The following RNF2 variants were observed in gnomAD, a reference collection of about 807,000 sequenced individuals.
The protein encoded by RNF2 is ring finger protein 2, also known as E3 ubiquitin-protein ligase RING2.
In RNF2, 6 loss-of-function variants were observed where a neutral mutation model predicts 37.2. The observed-to-expected ratio is 0.16, with a 90% CI of 0.09 to 0.32. RNF2 has a LOEUF of 0.32. RNF2 is among the 10% of genes least tolerant of loss of function. The probability of loss-of-function intolerance (pLI) is 1.00; values close to 1 mark genes in which losing one functional copy is unlikely to be tolerated. For missense variants in RNF2, 251 were observed against 404.0 expected, an observed-to-expected ratio of 0.62 and a Z score of 3.25; for synonymous variants, 133 against 132.7, an observed-to-expected ratio of 1.00 and a Z score of -0.02.
chr1:185,067,187 C>G (rs940045177), intron 1 of RNF2, among the ~76,000 whole-genome samples: 19 of 152,140 alleles, frequency 1.2e-4, no homozygotes, highest in Non-Finnish European at 2.5e-4. Flanking sequence ...GATGAGTATT[C>G]CAGATGTTCA....
At chr1:185,055,923 A>G (rs1650422305) in intron 1 of RNF2, among the ~76,000 whole-genome samples, 1 of 152,170 alleles carries the variant, frequency 6.6e-6, no homozygotes, top group South Asian at 2.1e-4. Flanking sequence ...TTTTTAATGT[A>G]GATAGCTGTG....
At chr1:185,085,444 C>T (rs1253648827) in intron 1 of RNF2, among the ~76,000 whole-genome samples, 1 of 151,930 alleles carries the variant, frequency 6.6e-6, no homozygotes, top group Non-Finnish European at 1.5e-5. Context: ...CCTGACCCTT[C>T]TTTCTTATAC....
chr1:185,075,246 G>A (rs577597407), intron 1 of RNF2, among the ~76,000 whole-genome samples: 5 of 152,048 alleles, frequency 3.3e-5, no homozygotes, highest in South Asian at 4.2e-4. Flanking sequence ...CCCCCGCCTC[G>A]GCCTCCCAAA....
At chr1:185,049,975 A>G (rs1036535662) in intron 1 of RNF2, among the ~76,000 whole-genome samples, 2 of 152,184 alleles carry the variant, frequency 1.3e-5, no homozygotes, top group African/African-American at 4.8e-5. Context: ...GGCAAAGCCT[A>G]AGGAGATCCC....
chr1:185,067,908 A>G (rs1650847589), intron 1 of RNF2, among the ~76,000 whole-genome samples: 1 of 151,242 alleles, frequency 6.6e-6, no homozygotes, highest in African/African-American at 2.4e-5. Context: ...ATGGGGTTTC[A>G]CCGTGTTGGC....
chr1:185,055,680 C>T (rs1019832530), intron 1 of RNF2, among the ~76,000 whole-genome samples: 3 of 152,124 alleles, frequency 2.0e-5, no homozygotes, highest in Non-Finnish European at 4.4e-5. Context: ...CTTGGCCTTC[C>T]GAAGTCTGGG....
intron 1 of RNF2, among the ~76,000 whole-genome samples, chr1:185,061,392 A>G (rs547578824): frequency 6.6e-6 from 1 of 152,130 alleles, no homozygotes; most frequent in South Asian, 2.1e-4. Context: ...GGAAACAGAA[A>G]TGAAAGCTTC....
At chr1:185,095,196 A>T (rs1651877383) in intron 4 of RNF2, among the ~76,000 whole-genome samples, 1 of 152,138 alleles carries the variant, frequency 6.6e-6, no homozygotes, top group Admixed American at 6.5e-5. Flanking sequence ...ATGGTTGTTC[A>T]GTTTAGCCTT....
In RNF2 at chr1:185,101,477, A is replaced by G. The variant is rs1652075099; in HGVS notation, c.*1176A>G. 1 of 152,574 alleles carries G rather than the reference A, an allele frequency of 6.6e-6. No individual in the cohort carries two copies. Among genetic ancestry groups the G allele is most frequent in the Non-Finnish European group, 1.5e-5 (1 of 68,004 alleles). The allele number at this position is 152,574 out of a possible 1,614,324, so 9.5% of individuals were successfully genotyped here. A position where few individuals can be genotyped will look rare whatever the true frequency, so the allele number is the denominator to read the frequency against. On this transcript the variant is annotated 3_prime_UTR_variant, in exon 7 of 7. Coordinates refer to ENST00000367510, the MANE Select transcript of RNF2 (RefSeq NM_007212.4). Reference sequence around the variant, plus strand: ...TTCTTAATTTTTATATTGAGGAACAATATTGGGTGTTTGGGAGCCAGAAAG... The same window carrying G: ...TTCTTAATTTTTATATTGAGGAACAGTATTGGGTGTTTGGGAGCCAGAAAG...
intron 2 of RNF2, 106 bp from the exon 3 acceptor site, chr1:185,091,473 G>C: frequency 9.5e-7 from 1 of 1,054,190 alleles, no homozygotes; most frequent in South Asian, 1.8e-5. Flanking sequence ...GCTGGGTGAT[G>C]GGTACATATA....
rs528197377 is a variant in RNF2, at chr1:185,081,767, A to G, written c.-2-5785A>G. Among the ~76,000 whole-genome samples the G allele has an allele frequency of 3.9e-5, 6 of 152,188 alleles. No homozygotes were observed. In the East Asian group the frequency reaches 1.2e-3, roughly 29 times the overall value. On this transcript the variant is annotated intron_variant, in intron 1 of 6. Coordinates refer to ENST00000367510, the MANE Select transcript of RNF2 (RefSeq NM_007212.4). ...GTGCATTTGAGCATTGTTGTGGATA[A>G]GAATTGGGCCCTTTTTGTTGATCAG...
chr1:185,080,890 A>G (rs571608352), intron 1 of RNF2, among the ~76,000 whole-genome samples: 1 of 152,342 alleles, frequency 6.6e-6, no homozygotes, highest in African/African-American at 2.4e-5. Context: ...AGCGTTCAGT[A>G]GGCAGAAGGA....
At chr1:185,083,679 C>G (rs1221845213) in intron 1 of RNF2, among the ~76,000 whole-genome samples, 1 of 151,942 alleles carries the variant, frequency 6.6e-6, no homozygotes, top group African/African-American at 2.4e-5. Flanking sequence ...AGTCTGTTGC[C>G]CAGGCTGGAG....
At chr1:185,070,680 C>T (rs1389865048) in intron 1 of RNF2, among the ~76,000 whole-genome samples, 1 of 150,008 alleles carries the variant, frequency 6.7e-6, no homozygotes. Flanking sequence ...GCTGTGTCAC[C>T]CAGGCTGGAG....
intron 5 of RNF2, among the ~76,000 whole-genome samples, chr1:185,098,649 A>G (rs1394265582): frequency 6.6e-6 from 1 of 152,220 alleles, no homozygotes; most frequent in Non-Finnish European, 1.5e-5. Context: ...TGGCTACGTT[A>G]CCACTGTATC....
At chr1:185,079,886 C>T (rs1474088854) in intron 1 of RNF2, among the ~76,000 whole-genome samples, 2 of 151,638 alleles carry the variant, frequency 1.3e-5, no homozygotes, top group Non-Finnish European at 2.9e-5. Context: ...GCTGAGATCG[C>T]GCCACTGCAC....
At chr1:185,078,588 A>G (rs1022572286) in intron 1 of RNF2, among the ~76,000 whole-genome samples, 2 of 152,174 alleles carry the variant, frequency 1.3e-5, no homozygotes, top group African/African-American at 4.8e-5. Context: ...GTGATCTTTC[A>G]TATGAATATG....
chr1:185,100,633 A>G lies in RNF2; in HGVS notation c.*332A>G, dbSNP rs1652052935. On this transcript the variant is annotated 3_prime_UTR_variant, in exon 7 of 7. Transcript: ENST00000367510. ...TAGTTTCTGTATTCTTATAAGATTC[A>G]GTTGGCTGTCCTTTTCCTGCTCCCC... 1 of 174,140 alleles carries G rather than the reference A, an allele frequency of 5.7e-6. No homozygotes were observed. The highest frequency in any genetic ancestry group is 2.4e-5 in the African/African-American group (1 of 42,376). The allele number at this position is 174,140 out of a possible 1,614,324, so 10.8% of individuals were successfully genotyped here. A position where few individuals can be genotyped will look rare whatever the true frequency, so the allele number is the denominator to read the frequency against.
chr1:185,056,003 T>A (rs573171504), intron 1 of RNF2, among the ~76,000 whole-genome samples: 2 of 152,344 alleles, frequency 1.3e-5, no homozygotes, highest in South Asian at 4.1e-4. Context: ...GGCTCTCAAA[T>A]ATTAAAGTAC....
Sources: allele counts gnomAD v4.1 joint callset (sites outside exome capture counted in the v4.1 genomes callset), GRCh38; gene constraint gnomAD v4.1.1; transcripts MANE v1.5; gene names NCBI Gene and HGNC (gene_info 2026-07-23, HGNC 2026-07-21).